Variants in EFCAB5 observed in about 807,000 individuals in gnomAD.
EFCAB5 encodes the protein EF-hand calcium binding domain 5, also known as EF-hand calcium-binding domain-containing protein 5.
In EFCAB5, 131 loss-of-function variants were observed where a neutral mutation model predicts 167.9. The ratio of observed to expected loss-of-function variants is 0.78; its 90% CI spans 0.68 to 0.90. The LOEUF is 0.90. EFCAB5 is among the 40% of genes least tolerant of loss of function. EFCAB5 has a pLI of 0.00. For missense variants in EFCAB5, 1,663 were observed against 1,745.2 expected (o/e 0.95, Z 0.84); for synonymous variants, 574 against 602.8 (o/e 0.95, Z 0.70).
chr17:30,086,435 C>T (rs1041691794), intron 18 of EFCAB5, among the ~76,000 whole-genome samples: 5 of 152,048 alleles, frequency 3.3e-5, no homozygotes, highest in South Asian at 4.1e-4. Context: ...GAGAGAGTGT[C>T]GTCCCAATAG....
At chr17:29,934,248 AC>A (rs1404765705) in intron 1 of EFCAB5, among the ~76,000 whole-genome samples, 1 of 152,226 alleles carries the variant, frequency 6.6e-6, no homozygotes, top group Non-Finnish European at 1.5e-5. Context: ...TGATAAAAAA[AC>A]TTTTAAACAA....
chr17:29,930,588 T>G (rs1162004363), intron 1 of EFCAB5, among the ~76,000 whole-genome samples: 1 of 134,676 alleles, frequency 7.4e-6, no homozygotes, highest in African/African-American at 2.5e-5. Context: ...AAACACGTTT[T>G]CTATTGGGAA....
chr17:30,076,886 T>C (rs965600301), intron 14 of EFCAB5, among the ~76,000 whole-genome samples: 1 of 152,216 alleles, frequency 6.6e-6, no homozygotes, highest in Non-Finnish European at 1.5e-5. Flanking sequence ...ATAGCTACAG[T>C]AACAACATAG....
intron 7 of EFCAB5, among the ~76,000 whole-genome samples, chr17:30,009,750 A>C (rs969379355): frequency 3.3e-5 from 5 of 151,982 alleles, no homozygotes; most frequent in Non-Finnish European, 7.4e-5. Flanking sequence ...TGGGAGTGGA[A>C]TTGTTGGGTC....
chr17:30,074,757 T>G (rs1205026884), intron 14 of EFCAB5: 1 of 152,190 alleles, frequency 6.6e-6, no homozygotes, highest in African/African-American at 2.4e-5. Flanking sequence ...TTAACATGCA[T>G]CCCTCATTCT....
chr17:30,073,035 T>G, intron 14 of EFCAB5: 1 of 592,670 alleles, frequency 1.7e-6, no homozygotes, highest in South Asian at 2.0e-5. Flanking sequence ...GGCTCCTGTG[T>G]CCTCCCCTCC....
intron 22 of EFCAB5, among the ~76,000 whole-genome samples, chr17:30,103,019 TG>T (rs1024828561): frequency 2.4e-4 from 37 of 151,718 alleles, no homozygotes; most frequent in Non-Finnish European, 4.3e-4. Context: ...TTGTATTTTT[TG>T]TAGAGACAGA....
At chr17:30,026,374 T>C (rs1220115194) in intron 7 of EFCAB5, among the ~76,000 whole-genome samples, 1 of 151,706 alleles carries the variant, frequency 6.6e-6, no homozygotes, top group African/African-American at 2.4e-5. Context: ...TGCATTGTCT[T>C]GTGTTCAGGC....
At chr17:30,029,680 T>C (rs1366566611) in intron 7 of EFCAB5, among the ~76,000 whole-genome samples, 3 of 152,130 alleles carry the variant, frequency 2.0e-5, no homozygotes, top group African/African-American at 7.2e-5. Flanking sequence ...AGTACTTCAA[T>C]ATTCTGTACT....
At chr17:29,994,225 T>C (rs1360650623) in intron 5 of EFCAB5, among the ~76,000 whole-genome samples, 2 of 147,632 alleles carry the variant, frequency 1.4e-5, no homozygotes, top group Non-Finnish European at 3.0e-5. Context: ...GGGAGCTCTT[T>C]GTACTTTCCG....
intron 17 of EFCAB5, 83 bp downstream of exon 17, chr17:30,081,064 T>C (rs1475027625): frequency 7.4e-6 from 8 of 1,083,472 alleles, no homozygotes; most frequent in Non-Finnish European, 1.1e-5. Flanking sequence ...TGAAATCCGA[T>C]GAGAGTAAAG....
chr17:29,938,935 A>G (rs1314446976), upstream of EFCAB5, among the ~76,000 whole-genome samples: 1 of 152,190 alleles, frequency 6.6e-6, no homozygotes, highest in Non-Finnish European at 1.5e-5. Flanking sequence ...ATGAATCACA[A>G]ATGTTCTTAA....
intron 9 of EFCAB5, among the ~76,000 whole-genome samples, chr17:30,051,819 C>T (rs889377094): frequency 3.3e-5 from 5 of 152,106 alleles, no homozygotes; most frequent in South Asian, 2.1e-4. Context: ...AGCCACCGTA[C>T]CCAGCCTGGT....
chr17:30,080,315 G>A, intron 16 of EFCAB5, 74 bp downstream of exon 16: 1 of 1,450,674 alleles, frequency 6.9e-7, no homozygotes, highest in Admixed American at 2.6e-5. Context: ...CTGGCATCAA[G>A]ATCCCAGCTA....
intron 7 of EFCAB5, among the ~76,000 whole-genome samples, chr17:30,006,965 G>C (rs2068786146): frequency 6.6e-6 from 1 of 152,114 alleles, no homozygotes; most frequent in South Asian, 2.1e-4. Context: ...CTGAATGAGA[G>C]ATTTTTTAGT....
At chr17:30,046,787 G>T (rs1020193145) in intron 8 of EFCAB5, among the ~76,000 whole-genome samples, 6 of 152,180 alleles carry the variant, frequency 3.9e-5, no homozygotes, top group South Asian at 4.2e-4. Flanking sequence ...TTCTCTTGGG[G>T]CATTTAGCTT....
intron 14 of EFCAB5, chr17:30,069,306 T>C: frequency 6.7e-7 from 1 of 1,502,318 alleles, no homozygotes; most frequent in Admixed American, 1.7e-5. Context: ...GAAGATGAGT[T>C]ATCCCCAGAA....
intron 7 of EFCAB5, among the ~76,000 whole-genome samples, chr17:30,019,447 C>CTT (rs763717475): frequency 1.3e-4 from 18 of 140,440 alleles, no homozygotes; most frequent in African/African-American, 3.6e-4. Flanking sequence ...CTCCCTCTCT[C>CTT]TTTTTTTTTT....
chr17:30,036,163 A>G (rs1328036361), intron 8 of EFCAB5, among the ~76,000 whole-genome samples: 2 of 138,856 alleles, frequency 1.4e-5, no homozygotes, highest in Non-Finnish European at 3.2e-5. Context: ...ATATTATTAT[A>G]TATAATATAA....
Sources: allele counts gnomAD v4.1 joint callset (sites outside exome capture counted in the v4.1 genomes callset), GRCh38; gene constraint gnomAD v4.1.1; transcripts MANE v1.5; gene names NCBI Gene and HGNC (gene_info 2026-07-23, HGNC 2026-07-21).